The following MYO16 variants were observed in gnomAD, a reference collection of about 807,000 sequenced individuals.
MYO16 encodes the protein myosin XVI, also known as unconventional myosin-XVI.
MYO16 carries 94 observed loss-of-function variants against 205.3 expected under a neutral mutation model. The observed-to-expected ratio is 0.46, with a 90% CI of 0.39 to 0.54. MYO16 has a LOEUF of 0.54. Ranked by LOEUF, MYO16 falls within the 20% of genes least tolerant of loss-of-function variation. The probability of loss-of-function intolerance (pLI) is 0.00; values close to 1 mark genes in which losing one functional copy is unlikely to be tolerated. For synonymous variants in MYO16, 988 were observed against 954.0 expected, an observed-to-expected ratio of 1.04 and a Z score of -0.66; for missense variants, 2,315 against 2,387.5, an observed-to-expected ratio of 0.97 and a Z score of 0.63.
chr13:108,621,523 C>G (rs1879540882), intron 1 of MYO16, among the ~76,000 whole-genome samples: 1 of 152,148 alleles, frequency 6.6e-6, no homozygotes, highest in South Asian at 2.1e-4. Context: ...AGCTTCATTT[C>G]TTTCTGGACA....
Position 109,206,820 on chromosome 13 carries a change from G to C in MYO16, c.5627G>C (p.Trp1876Ser), listed in dbSNP as rs952565925. Residue 1876 changes from tryptophan to serine, a missense_variant, in exon 35 of 35, where the codon TGG (tryptophan) becomes TCG (serine). Trp to Ser is a radical substitution (Grantham distance 177, BLOSUM62 -3). Coordinates refer to ENST00000457511, the MANE Select transcript of MYO16 (RefSeq NM_001198950.3). ...TGCAACAGGCTGCCGTCTGAGCTCT[G>C]GGACACCACCATTTGATGTGGCCTG... ...ASCNRLPSEL[W>S]DTTI The C allele has an allele frequency of 6.2e-7, 1 of 1,613,944 alleles. No individual in the cohort carries two copies. Among genetic ancestry groups the C allele is most frequent in the Non-Finnish European group, 8.5e-7 (1 of 1,179,918 alleles).
chr13:108,593,119 T>C (rs1878448392), upstream of MYO16, among the ~76,000 whole-genome samples: 2 of 152,092 alleles, frequency 1.3e-5, no homozygotes, highest in African/African-American at 4.8e-5. Flanking sequence ...GCCTCTTTTC[T>C]CTCTTGAAAG....
At chr13:108,689,142 CATACAT>C (rs74624959) in intron 2 of MYO16, among the ~76,000 whole-genome samples, 43,764 of 108,250 alleles carry the variant, frequency 0.4, 7,010 homozygotes, top group East Asian at 0.59. Context: ...TCTTTAATAA[CATACAT>C]TGTTGATATG....
At chr13:108,833,113 T>G (rs547728682) in intron 9 of MYO16, among the ~76,000 whole-genome samples, 87 of 152,180 alleles carry the variant, frequency 5.7e-4, no homozygotes, top group African/African-American at 2.0e-3. Context: ...CTATTAAAAA[T>G]TTTTTTGCAT....
At chr13:109,116,006 C>T (rs554928301) in intron 28 of MYO16, among the ~76,000 whole-genome samples, 2 of 151,960 alleles carry the variant, frequency 1.3e-5, no homozygotes, top group South Asian at 4.2e-4. Flanking sequence ...CAAAGTCAAA[C>T]AAATGCTAAA....
chr13:108,505,643 C>A, the MYO16 span, among the ~76,000 whole-genome samples: 4 of 151,976 alleles, frequency 2.6e-5, no homozygotes, highest in Non-Finnish European at 4.4e-5. Flanking sequence ...GTCTTTTGAT[C>A]ATCTCCTTTG....
At chr13:108,813,880 G>C (rs547067929) in intron 7 of MYO16, among the ~76,000 whole-genome samples, 1 of 152,276 alleles carries the variant, frequency 6.6e-6, no homozygotes, top group South Asian at 2.1e-4. Flanking sequence ...CCAGAGTAGA[G>C]TAATTGGAAT....
intron 7 of MYO16, among the ~76,000 whole-genome samples, chr13:108,819,294 T>C (rs1219176794): frequency 1.3e-5 from 2 of 152,174 alleles, no homozygotes; most frequent in Non-Finnish European, 2.9e-5. Context: ...GAATGAGCCT[T>C]GGTTAAACCC....
intron 19 of MYO16, among the ~76,000 whole-genome samples, chr13:108,963,162 A>G (rs184198491): frequency 5.0e-4 from 76 of 152,360 alleles, no homozygotes; most frequent in African/African-American, 1.8e-3. Context: ...TACTCACTCT[A>G]AATGATGGCC....
Position 108,935,166 on chromosome 13 carries a change from G to C in MYO16, c.1926-22522G>C, listed in dbSNP as rs1229515481. On this transcript the variant is annotated intron_variant, in intron 16 of 34. Coordinates refer to ENST00000457511, the MANE Select transcript of MYO16 (RefSeq NM_001198950.3). ...TTCCAATTCTGTAAAAAGTGACATT[G>C]GTCGTTTAATAGGAATAGAATTGAA... Among the ~76,000 whole-genome samples, 3 of 152,098 alleles carry C rather than the reference G, an allele frequency of 2.0e-5. No homozygotes were observed. In the East Asian group the frequency reaches 5.8e-4, roughly 29 times the overall value.
the MYO16 span, among the ~76,000 whole-genome samples, chr13:108,570,691 C>T: frequency 6.6e-6 from 1 of 152,180 alleles, no homozygotes; most frequent in African/African-American, 2.4e-5. Flanking sequence ...CTACTAAATC[C>T]ATGCATATTT....
the MYO16 span, among the ~76,000 whole-genome samples, chr13:108,582,277 C>T: frequency 6.9e-4 from 105 of 152,130 alleles, no homozygotes; most frequent in African/African-American, 2.4e-3. Flanking sequence ...GAAACACCAC[C>T]GAGTCATTTA....
chr13:108,953,300 C>T (rs536907575), intron 16 of MYO16, among the ~76,000 whole-genome samples: 27 of 152,212 alleles, frequency 1.8e-4, no homozygotes, highest in East Asian at 5.8e-4. Flanking sequence ...TTATTTTACT[C>T]GGCACAGTTA....
chr13:109,055,587 C>T lies in MYO16; in HGVS notation c.3327C>T (p.Phe1109=), dbSNP rs1157856257. ...GYPVRLSFSD[F]LSRYKPLADT... is the part of the protein sequence containing the mutation. ...CTGTTCGCCTTTCCTTCTCGGATTT[C>T]CTGTCAAGGTAAATTCTTCTGCTCT... The change falls in exon 27 of 35, where the codon TTC becomes TTT. Residue 1109 remains phenylalanine, a synonymous_variant. Coordinates refer to ENST00000457511, the MANE Select transcript of MYO16 (RefSeq NM_001198950.3). This position sits in a 1 kb window ranked among gnomAD's most constrained non-coding sequence, Gnocchi z 5.0. The T allele has an allele frequency of 6.2e-7, 1 of 1,608,964 alleles. No individual in the cohort carries two copies. The highest frequency in any genetic ancestry group is 1.7e-5 in the Admixed American group (1 of 59,880).
intron 16 of MYO16, among the ~76,000 whole-genome samples, chr13:108,924,932 T>C (rs1229442810): frequency 2.0e-5 from 3 of 152,196 alleles, no homozygotes; most frequent in Non-Finnish European, 4.4e-5. Flanking sequence ...TCTTCTTAAA[T>C]ATATTTTGGT....
At chr13:108,814,412 T>G (rs536210853) in intron 7 of MYO16, among the ~76,000 whole-genome samples, 1 of 152,230 alleles carries the variant, frequency 6.6e-6, no homozygotes, top group East Asian at 1.9e-4. Context: ...ACTCCATATT[T>G]TATTTTTTTG....
chr13:108,718,321 G>C (rs542313811), intron 3 of MYO16, among the ~76,000 whole-genome samples: 2 of 152,148 alleles, frequency 1.3e-5, no homozygotes, highest in Non-Finnish European at 2.9e-5. Flanking sequence ...TGAACTCCAA[G>C]CCCCTTTTTT....
intron 1 of MYO16, among the ~76,000 whole-genome samples, chr13:108,600,474 C>T (rs927449399): frequency 3.3e-5 from 5 of 152,248 alleles, no homozygotes; most frequent in East Asian, 1.9e-4. Flanking sequence ...GTATTATTAA[C>T]GCTGCTACTG....
chr13:108,988,626 A>G (rs1292667273), intron 20 of MYO16, among the ~76,000 whole-genome samples: 1 of 152,188 alleles, frequency 6.6e-6, no homozygotes, highest in Non-Finnish European at 1.5e-5. Flanking sequence ...TGGCCAAATA[A>G]TCTCTTCTCT....
Sources: allele counts gnomAD v4.1 joint callset (sites outside exome capture counted in the v4.1 genomes callset), GRCh38; gene constraint gnomAD v4.1.1; non-coding constraint Gnocchi (gnomAD v3.1); transcripts MANE v1.5; gene names NCBI Gene and HGNC (gene_info 2026-07-23, HGNC 2026-07-21).